NID2: variants seen among roughly 807,000 people sequenced by gnomAD.
The protein encoded by NID2 is nidogen 2.
NID2 carries 83 observed loss-of-function variants against 145.4 expected under a neutral mutation model. The observed-to-expected ratio is 0.57, with a 90% CI of 0.48 to 0.69. NID2 has a LOEUF of 0.69. Ranked by LOEUF, NID2 falls within the 30% of genes least tolerant of loss-of-function variation. The pLI, the probability that NID2 is intolerant of heterozygous loss-of-function variation, is 0.00. For synonymous variants in NID2, 739 were observed against 701.3 expected, an observed-to-expected ratio of 1.05 and a Z score of -0.85; for missense variants, 1,807 against 1,765.7, an observed-to-expected ratio of 1.02 and a Z score of -0.42.
chr14:52,063,011 G>A (rs772933797), intron 2 of NID2, among the ~76,000 whole-genome samples: 8 of 152,122 alleles, frequency 5.3e-5, no homozygotes, highest in African/African-American at 1.2e-4. Flanking sequence ...CAAAGTACAC[G>A]CCAAAAGAGT....
At chr14:52,059,276 C>G (rs1012636589) in intron 3 of NID2, among the ~76,000 whole-genome samples, 4 of 152,106 alleles carry the variant, frequency 2.6e-5, no homozygotes, top group Admixed American at 2.6e-4. Context: ...TTCTGGTAGC[C>G]GAGCAGAGTG....
chr14:52,030,551 A>AGAACGGAAGGAAGG (rs2140379962), intron 9 of NID2, among the ~76,000 whole-genome samples: 22 of 65,070 alleles, frequency 3.4e-4, no homozygotes, highest in African/African-American at 1.0e-3. Flanking sequence ...AAAGAAAGAA[A>AGAACGGAAGGAAGG]GAAAGAAAGA....
chr14:52,057,829 C>G (rs1319856402), intron 3 of NID2, among the ~76,000 whole-genome samples: 1 of 151,654 alleles, frequency 6.6e-6, no homozygotes, highest in East Asian at 1.9e-4. Flanking sequence ...TAGTTATTCT[C>G]TCCACTTTTC....
chr14:52,008,973 T>G (rs1049382193), intron 18 of NID2: 1 of 152,178 alleles, frequency 6.6e-6, no homozygotes, highest in Non-Finnish European at 1.5e-5. Context: ...GGAAATAGGT[T>G]ATAAGGAAAC....
At chr14:52,016,018 C>T (rs1389803973) in intron 14 of NID2, among the ~76,000 whole-genome samples, 2 of 152,164 alleles carry the variant, frequency 1.3e-5, no homozygotes, top group East Asian at 3.8e-4. Flanking sequence ...TTCCTGCAGG[C>T]TCTAGCTTCC....
At chr14:52,005,661 AG>A in intron 21 of NID2, 75 bp downstream of exon 21, 1 of 1,384,016 alleles carries the variant, frequency 7.2e-7, no homozygotes, top group Non-Finnish European at 1.0e-6. Flanking sequence ...CACAGGCAGC[AG>A]GGGTAATCAA....
Position 52,006,385 on chromosome 14 carries a change from T to C in NID2, c.4004+152A>G, listed in dbSNP as rs992849225. ...AACATGAAAGGATGAAAAACATCCT[T>C]GAAGGATCTTATCTGCCAATGAGGA... On this transcript the variant is annotated intron_variant, in intron 20 of 21. Coordinates refer to ENST00000216286, the MANE Select transcript of NID2 (RefSeq NM_007361.4). The C allele has an allele frequency of 2.4e-5, 19 of 783,726 alleles. No individual in the cohort carries two copies. The East Asian group carries it at 4.1e-4, about 17-fold the overall frequency. 48.5% of individuals were successfully genotyped at this position (783,726 alleles called of 1,614,324 possible). A position where few individuals can be genotyped will look rare whatever the true frequency, so the allele number is the denominator to read the frequency against.
At position 52,069,006 on chromosome 14, in the gene NID2, C is replaced by T. The variant is rs749066362; in HGVS notation, c.-12G>A. On this transcript the variant is annotated 5_prime_UTR_variant, in exon 1 of 22. Coordinates refer to ENST00000216286, the MANE Select transcript of NID2 (RefSeq NM_007361.4). ...CGGTCCCCCTCCATGCTCGCTCGGC[C>T]GTGCGCTTACCCGCTGCACAACGCG... is the stretch of plus-strand genomic sequence containing the variant. The T allele has an allele frequency of 6.3e-7, 1 of 1,594,602 alleles. No individual in the cohort carries two copies. The highest frequency in any genetic ancestry group is 1.1e-5 in the South Asian group (1 of 90,228).
At position 52,005,214 on chromosome 14, in the gene NID2, A is replaced by G; in HGVS notation, c.*272T>C. ...TTGATCTTTTAAATATTAATGATAAATGTTTACAAGAAGTTGCTTTAATAA... is the reference window on the plus strand; with the variant it reads ...TTGATCTTTTAAATATTAATGATAAGTGTTTACAAGAAGTTGCTTTAATAA... On this transcript the variant is annotated 3_prime_UTR_variant, in exon 22 of 22. Transcript: ENST00000216286. 3.0e-6 allele frequency: 1 copy of G among 335,876 alleles called. No homozygotes were observed. Among genetic ancestry groups the G allele is most frequent in the Non-Finnish European group, 5.4e-6 (1 of 186,150 alleles). 20.8% of individuals were successfully genotyped at this position (335,876 alleles called of 1,614,324 possible). A position where few individuals can be genotyped will look rare whatever the true frequency, so the allele number is the denominator to read the frequency against.
chr14:52,016,965 A>T (rs1891232393), intron 14 of NID2, among the ~76,000 whole-genome samples: 1 of 152,216 alleles, frequency 6.6e-6, no homozygotes, highest in Non-Finnish European at 1.5e-5. Flanking sequence ...TTGTCACTGT[A>T]GCTCATGACC....
chr14:52,007,220 G>C (rs1484520848), intron 19 of NID2: 1 of 154,008 alleles, frequency 6.5e-6, no homozygotes, highest in Non-Finnish European at 1.4e-5. Flanking sequence ...ATCCTTTTAA[G>C]AAATGTAACT....
At chr14:52,014,621 GTTTT>G (rs527560902) in intron 15 of NID2, among the ~76,000 whole-genome samples, 165 bp from the exon 16 acceptor site, 1 of 152,018 alleles carries the variant, frequency 6.6e-6, no homozygotes, top group African/African-American at 2.4e-5. Context: ...AATTTCTAGG[GTTTT>G]TTTAAGGATC....
chr14:52,022,531 A>G (rs1014314775), intron 12 of NID2, among the ~76,000 whole-genome samples: 3 of 152,088 alleles, frequency 2.0e-5, no homozygotes, highest in Non-Finnish European at 2.9e-5. Flanking sequence ...GGAGAAGGAG[A>G]AGGAGGCCAC....
chr14:52,048,801 G>A (rs1378991680), intron 5 of NID2, among the ~76,000 whole-genome samples: 1 of 152,154 alleles, frequency 6.6e-6, no homozygotes, highest in African/African-American at 2.4e-5. Flanking sequence ...GGGAGAAGGA[G>A]ACATTTGGGC....
chr14:52,059,602 C>T (rs1456907164), intron 3 of NID2, among the ~76,000 whole-genome samples: 1 of 152,226 alleles, frequency 6.6e-6, no homozygotes, highest in Admixed American at 6.5e-5. Flanking sequence ...TATGGGCAGA[C>T]ACTGATGAGT....
At chr14:52,046,322 CAAA>C (rs1555365268) in intron 5 of NID2, among the ~76,000 whole-genome samples, 7 of 31,986 alleles carry the variant, frequency 2.2e-4, no homozygotes, top group South Asian at 2.5e-3. Context: ...GACTCCATCT[CAAA>C]AAAAAAAAAA....
chr14:52,007,722 A>ATGGGATTTCATT, intron 19 of NID2, 88 bp downstream of exon 19: 2 of 1,158,790 alleles, frequency 1.7e-6, no homozygotes, highest in Non-Finnish European at 2.5e-6. Flanking sequence ...GATCTAAGTG[A>ATGGGATTTCATT]TGGGATTTCA....
At chr14:52,014,249 C>G in intron 16 of NID2, 38 bp downstream of exon 16, 1 of 1,613,942 alleles carries the variant, frequency 6.2e-7, no homozygotes, top group Non-Finnish European at 8.5e-7. Context: ...CTGGGAAAGC[C>G]ACGCAGCCCT....
At chr14:52,018,974 G>GCCC (rs765180914) in intron 14 of NID2, 87 bp downstream of exon 14, 2 of 919,922 alleles carry the variant, frequency 2.2e-6, no homozygotes, top group Non-Finnish European at 3.4e-6. Context: ...ATGGTGACTG[G>GCCC]CCCCGTGCCT....
Sources: allele counts gnomAD v4.1 joint callset (sites outside exome capture counted in the v4.1 genomes callset), GRCh38; gene constraint gnomAD v4.1.1; transcripts MANE v1.5; gene names NCBI Gene and HGNC (gene_info 2026-07-23, HGNC 2026-07-21).